The following WWOX variants were observed in gnomAD, a reference collection of about 807,000 sequenced individuals.
The protein encoded by WWOX is WW domain-containing oxidoreductase.
WWOX carries 69 observed loss-of-function variants against 46.2 expected under a neutral mutation model. The ratio of observed to expected loss-of-function variants is 1.49; its 90% confidence interval spans 1.23 to 1.82. The LOEUF (loss-of-function observed/expected upper bound fraction) is 1.82. Ranked by LOEUF, WWOX falls within the 40% of genes most tolerant of loss-of-function variation. WWOX has a pLI of 0.00. For synonymous variants in WWOX, 359 were observed against 202.6 expected (o/e 1.77, Z -6.56); for missense variants, 919 against 542.6 (o/e 1.69, Z -6.89).
At chr16:78,915,596 T>C (rs1254178182) in intron 8 of WWOX, among the ~76,000 whole-genome samples, 1 of 152,166 alleles carries the variant, frequency 6.6e-6, no homozygotes, top group Non-Finnish European at 1.5e-5. Context: ...ACATTGCTGG[T>C]TCCTATTAGC....
At chr16:78,821,989 G>C (rs1224313259) in intron 8 of WWOX, among the ~76,000 whole-genome samples, 1 of 152,104 alleles carries the variant, frequency 6.6e-6, no homozygotes, top group Non-Finnish European at 1.5e-5. Context: ...CGATCCTTCT[G>C]CCTCAGTCTC....
intron 8 of WWOX, among the ~76,000 whole-genome samples, chr16:78,587,218 T>TAGAAAC (rs1164848149): frequency 2.3e-5 from 3 of 131,944 alleles, no homozygotes; most frequent in Admixed American, 7.7e-5. Flanking sequence ...TTTTTTTTTG[T>TAGAAAC]AGAAACAGAG....
rs745453076 is a variant in WWOX at position 78,164,222 on chromosome 16, A to C, written c.449A>C (p.His150Pro). 7.4e-6 allele frequency: 12 copies of C among 1,614,120 alleles called. No individual in the cohort carries two copies. The highest frequency in any genetic ancestry group is 1.0e-5 in the Non-Finnish European group (12 of 1,180,012). Residue 150 changes from histidine to proline, a missense_variant, in exon 5 of 9, where the codon CAT becomes CCT. By Grantham distance (77) the His-to-Pro change is moderately conservative. Transcript: ENST00000566780. The stretch of plus-strand genomic sequence containing the variant: ...AAGTCTTTTGCCCTCCATGGTGCAC[A>C]TGTGATCTTGGCCTGCAGGAACATG... Reference protein sequence around the residue: ...TAKSFALHGAHVILACRNMAR... With the variant: ...TAKSFALHGAPVILACRNMAR...
At chr16:79,184,317 A>G (rs2050971480) in intron 8 of WWOX, among the ~76,000 whole-genome samples, 1 of 152,162 alleles carries the variant, frequency 6.6e-6, no homozygotes, top group African/African-American at 2.4e-5. Flanking sequence ...CATTTATTCA[A>G]CAAATGCTTT....
intron 8 of WWOX, among the ~76,000 whole-genome samples, chr16:78,785,458 C>G (rs1380743631): frequency 6.6e-6 from 1 of 152,180 alleles, no homozygotes; most frequent in East Asian, 1.9e-4. Flanking sequence ...ACAACTGGCT[C>G]TCTGAAAAAC....
chr16:78,886,513 G>A (rs2044461257), intron 8 of WWOX, among the ~76,000 whole-genome samples: 1 of 151,652 alleles, frequency 6.6e-6, no homozygotes, highest in African/African-American at 2.4e-5. Context: ...CTGATCTTCA[G>A]AGAAGTTTTA....
At chr16:78,750,578 C>T (rs1398632259) in intron 8 of WWOX, among the ~76,000 whole-genome samples, 1 of 151,976 alleles carries the variant, frequency 6.6e-6, no homozygotes, top group Non-Finnish European at 1.5e-5. Context: ...TTCAATTGAA[C>T]CCATCACCCA....
chr16:78,399,763 A>G lies in WWOX; in HGVS notation c.605+12815A>G, dbSNP rs528422843. Among the ~76,000 whole-genome samples the G allele has an allele frequency of 5.3e-5, 8 of 152,168 alleles. No homozygotes were observed. The South Asian group carries it at 6.2e-4, about 12-fold the overall frequency. On this transcript the variant is annotated intron_variant, in intron 6 of 8. Coordinates refer to ENST00000566780, the MANE Select transcript of WWOX (RefSeq NM_016373.4). The stretch of plus-strand genomic sequence containing the variant: ...TTTTTCTCCTCTTAGCATCCTAACC[A>G]CCCTCATTGTCACTTTGGAATCTAC...
intron 6 of WWOX, among the ~76,000 whole-genome samples, chr16:78,388,645 C>CAAAAAAA (rs59881601): frequency 9.4e-5 from 5 of 53,048 alleles, no homozygotes; most frequent in East Asian, 1.2e-3. Context: ...GACTCCGTCT[C>CAAAAAAA]AAAAAAAAAA....
chr16:78,911,824 C>G (rs554454165), intron 8 of WWOX, among the ~76,000 whole-genome samples: 1 of 152,078 alleles, frequency 6.6e-6, no homozygotes, highest in East Asian at 1.9e-4. Context: ...TGAGATCACG[C>G]TGATGCATTC....
At chr16:78,392,436 A>G (rs182920925) in intron 6 of WWOX, among the ~76,000 whole-genome samples, 6 of 152,162 alleles carry the variant, frequency 3.9e-5, no homozygotes, top group Non-Finnish European at 8.8e-5. Flanking sequence ...TTGGATAACT[A>G]TTTCATTATA....
chr16:78,853,421 C>T (rs1334947648), intron 8 of WWOX, among the ~76,000 whole-genome samples: 1 of 152,108 alleles, frequency 6.6e-6, no homozygotes, highest in African/African-American at 2.4e-5. Context: ...CCACGTTAAC[C>T]AGGCTGGTAT....
intron 8 of WWOX, among the ~76,000 whole-genome samples, chr16:79,075,551 CT>C (rs56270829): frequency 0.99 from 145,971 of 146,840 alleles, 72,551 homozygotes; most frequent in Middle Eastern, 1. Context: ...CTCTCTCTCT[CT>C]TTTTTTTTTT....
intron 8 of WWOX, among the ~76,000 whole-genome samples, chr16:78,751,079 T>G (rs533769184): frequency 1.3e-5 from 2 of 152,124 alleles, no homozygotes; most frequent in African/African-American, 4.8e-5. Context: ...TTATTTTTCA[T>G]AGGGACAAGG....
At chr16:79,052,941 A>T (rs1046898143) in intron 8 of WWOX, among the ~76,000 whole-genome samples, 3 of 115,814 alleles carry the variant, frequency 2.6e-5, no homozygotes, top group Non-Finnish European at 4.9e-5. Flanking sequence ...ATTCATGGGG[A>T]CCCTGGGAGT....
intron 5 of WWOX, among the ~76,000 whole-genome samples, chr16:78,266,788 T>TTCTCTC (rs60393431): frequency 0.017 from 1,971 of 115,598 alleles, 56 homozygotes; most frequent in African/African-American, 0.042. Flanking sequence ...TATTCTTCTA[T>TTCTCTC]TCTCTCTCTC....
intron 5 of WWOX, among the ~76,000 whole-genome samples, chr16:78,292,885 C>T (rs1597450225): frequency 6.6e-6 from 1 of 152,168 alleles, no homozygotes; most frequent in Non-Finnish European, 1.5e-5. Context: ...TCAGAATCTT[C>T]AAGCCAGTGA....
At chr16:78,479,812 TATGA>T (rs1334824376) in intron 8 of WWOX, among the ~76,000 whole-genome samples, 2 of 152,128 alleles carry the variant, frequency 1.3e-5, no homozygotes, top group Non-Finnish European at 2.9e-5. Context: ...AGACCCAAAC[TATGA>T]ATGAAAGCCA....
At chr16:78,559,224 T>G (rs1298843068) in intron 8 of WWOX, among the ~76,000 whole-genome samples, 2 of 152,164 alleles carry the variant, frequency 1.3e-5, no homozygotes, top group African/African-American at 4.8e-5. Context: ...ATGAATGTTG[T>G]GGTATCTCAC....
Sources: gnomAD v4.1 joint callset for allele counts (sites outside exome capture counted in the v4.1 genomes callset) on GRCh38, gnomAD v4.1.1 for gene constraint, MANE v1.5 for transcripts, NCBI Gene and HGNC (gene_info 2026-07-23, HGNC 2026-07-21) for gene names.